GFRA1: variants seen among roughly 807,000 people sequenced by gnomAD.
GFRA1 encodes the protein GDNF family receptor alpha-1.
GFRA1 carries 16 observed loss-of-function variants against 51.6 expected under a neutral mutation model. That is an observed-to-expected ratio of 0.31 (90% CI 0.21 to 0.47). The LOEUF (loss-of-function observed/expected upper bound fraction) is 0.47, where lower values mean the gene tolerates loss of function less well. Among genes scored for constraint, GFRA1 ranks in the 20% least tolerant of loss-of-function variants. The pLI is 1.00. For synonymous variants in GFRA1, 270 were observed against 241.3 expected (o/e 1.12, Z -1.10); for missense variants, 530 against 594.3 (o/e 0.89, Z 1.13).
chr10:116,234,620 AT>A (rs1966845221), intron 4 of GFRA1, among the ~76,000 whole-genome samples: 6 of 152,238 alleles, frequency 3.9e-5, no homozygotes, highest in Admixed American at 3.9e-4. Context: ...ATATGCGAAC[AT>A]TCTATAATGT....
chr10:116,199,080 T>C (rs1964129080), intron 5 of GFRA1, among the ~76,000 whole-genome samples: 1 of 152,124 alleles, frequency 6.6e-6, no homozygotes, highest in Admixed American at 6.5e-5. Context: ...CCGGGACAGA[T>C]CCTCTTCTAG....
chr10:116,196,424 G>A (rs1052544926), intron 5 of GFRA1, among the ~76,000 whole-genome samples: 1 of 149,078 alleles, frequency 6.7e-6, no homozygotes, highest in Admixed American at 6.8e-5. Context: ...GAGAGGTGGA[G>A]GTTGCAGTGA....
chr10:116,104,769 G>A (rs1267831418), intron 6 of GFRA1, among the ~76,000 whole-genome samples: 25 of 152,176 alleles, frequency 1.6e-4, no homozygotes, highest in Non-Finnish European at 1.2e-4. Context: ...CAGTTGACAG[G>A]GCTTGACAGG....
Position 116,217,609 on chromosome 10 carries a change from A to G in GFRA1, c.419-5964T>C, listed in dbSNP as rs1965648703. 2.0e-5 allele frequency among the ~76,000 whole-genome samples: 3 copies of G among 152,242 alleles called. No homozygotes were observed. In the South Asian group the frequency reaches 6.2e-4, roughly 31 times the overall value. On this transcript the variant is annotated intron_variant, in intron 4 of 10. Transcript: ENST00000355422. Reference sequence around the variant, plus strand: ...GGTGGCTGGTTTATGCTGCATGTTCAATAGGTGAAAGTCAATGGTATAATA... The same window carrying G: ...GGTGGCTGGTTTATGCTGCATGTTCGATAGGTGAAAGTCAATGGTATAATA...
Position 116,061,186 on chromosome 10 carries a change from T to G in GFRA1, c.*3212A>C, listed in dbSNP as rs1011978194. On this transcript the variant is annotated 3_prime_UTR_variant, in exon 11 of 11. Transcript: ENST00000355422. The stretch of plus-strand genomic sequence containing the variant: ...GCAGCTCTGGGGGAGCCCTGTCCGG[T>G]GTTTGAGGAACTCGAAGACACAACT... 4 of 150,990 alleles carry G rather than the reference T, an allele frequency of 2.6e-5. No individual in the cohort carries two copies. Among genetic ancestry groups the G allele is most frequent in the African/African-American group, 9.8e-5 (4 of 40,940 alleles). 9.4% of individuals were successfully genotyped at this position (150,990 alleles called of 1,614,324 possible).
At chr10:116,244,807 C>T (rs1212098149) in intron 4 of GFRA1, among the ~76,000 whole-genome samples, 1 of 151,950 alleles carries the variant, frequency 6.6e-6, no homozygotes, top group Non-Finnish European at 1.5e-5. Context: ...AGGGTAATTG[C>T]AAAATTTTCC....
At chr10:116,156,082 A>G (rs1223006596) in intron 5 of GFRA1, among the ~76,000 whole-genome samples, 2 of 152,244 alleles carry the variant, frequency 1.3e-5, no homozygotes, top group African/African-American at 4.8e-5. Flanking sequence ...GAAAGCAGGC[A>G]ACGCAAAGCT....
chr10:116,155,645 A>G (rs1752036222), intron 5 of GFRA1, among the ~76,000 whole-genome samples: 1 of 151,998 alleles, frequency 6.6e-6, no homozygotes, highest in African/African-American at 2.4e-5. Flanking sequence ...AAATATGGTA[A>G]CAAAGGCAAA....
In GFRA1 at chr10:116,125,419, T is replaced by C. The variant is rs1957821474; in HGVS notation, c.572A>G (p.Lys191Arg). 1.9e-6 allele frequency: 3 copies of C among 1,614,112 alleles called. No homozygotes were observed. In the African/African-American group the frequency reaches 4.0e-5, roughly 22 times the overall value. The stretch of plus-strand genomic sequence containing the variant: ...GAACTGCCGGAGGGCCTTGTGGCAC[T>C]TGCGGCGGTTGCAGACATCGTTGGA... ...SVSNDVCNRR[K>R]CHKALRQFFD... The change falls in exon 6 of 11, where the codon AAG becomes AGG. Residue 191 changes from lysine to arginine, a missense_variant. Physicochemically the swap from Lys to Arg is conservative, Grantham distance 26. Transcript: ENST00000355422.
At position 116,251,963 on chromosome 10, in the gene GFRA1, C is replaced by CTT. The variant is rs3032041; in HGVS notation, c.418+17538_418+17539dup. 8.0e-3 allele frequency among the ~76,000 whole-genome samples: 638 copies of CTT among 79,786 alleles called. 24 individuals are homozygous for CTT. The highest frequency in any genetic ancestry group is 0.027 in the African/African-American group (594 of 21,628). The allele number at this position is 79,786 out of a possible 152,430, so 52.3% of individuals were successfully genotyped here. ...AGAGGACACAGACAACAATAGGCCT[C>CTT]TTTTTTTTTTTTTTTTTTTTTTTTT... On this transcript the variant is annotated intron_variant, in intron 4 of 10. Coordinates refer to ENST00000355422, the MANE Select transcript of GFRA1 (RefSeq NM_005264.8).
chr10:116,263,398 T>G (rs1969431982), intron 4 of GFRA1, among the ~76,000 whole-genome samples: 1 of 152,148 alleles, frequency 6.6e-6, no homozygotes, highest in African/African-American at 2.4e-5. Flanking sequence ...ACCTATACAG[T>G]AGGCATTATC....
intron 5 of GFRA1, among the ~76,000 whole-genome samples, chr10:116,161,724 T>C (rs1959821294): frequency 6.6e-6 from 1 of 152,238 alleles, no homozygotes; most frequent in African/African-American, 2.4e-5. Flanking sequence ...TGTTCTTCCT[T>C]CATCTGCCAT....
chr10:116,064,909 C>A (rs930116195), intron 10 of GFRA1, among the ~76,000 whole-genome samples: 1 of 152,178 alleles, frequency 6.6e-6, no homozygotes, highest in African/African-American at 2.4e-5. Flanking sequence ...ACAGGCAGAG[C>A]AGCCTCTCCC....
intron 4 of GFRA1, among the ~76,000 whole-genome samples, chr10:116,230,715 GACACACAC>G (rs5788144): frequency 2.9e-4 from 44 of 150,548 alleles, no homozygotes; most frequent in South Asian, 2.5e-3. Flanking sequence ...CATGTGGACA[GACACACAC>G]ACACACACAC....
intron 4 of GFRA1, among the ~76,000 whole-genome samples, chr10:116,225,416 TC>T (rs1966211242): frequency 6.7e-6 from 1 of 150,214 alleles, no homozygotes; most frequent in Non-Finnish European, 1.5e-5. Flanking sequence ...GCACTTATAG[TC>T]CCTGCTACTC....
At chr10:116,222,044 T>C (rs1452633541) in intron 4 of GFRA1, among the ~76,000 whole-genome samples, 1 of 152,100 alleles carries the variant, frequency 6.6e-6, no homozygotes, top group Non-Finnish European at 1.5e-5. Context: ...CAAAGATCTA[T>C]GCAGCTGCCC....
chr10:116,265,033 G>A (rs1969556416), intron 4 of GFRA1, among the ~76,000 whole-genome samples: 2 of 152,094 alleles, frequency 1.3e-5, no homozygotes, highest in African/African-American at 4.8e-5. Context: ...TAAATATGAC[G>A]GTGCATTTGA....
chr10:116,222,833 C>G (rs1966019181), intron 4 of GFRA1, among the ~76,000 whole-genome samples: 1 of 152,096 alleles, frequency 6.6e-6, no homozygotes, highest in Non-Finnish European at 1.5e-5. Context: ...CAGATTCAAC[C>G]AACCACGGAT....
chr10:116,250,859 G>A (rs897440770), intron 4 of GFRA1, among the ~76,000 whole-genome samples: 2 of 152,180 alleles, frequency 1.3e-5, no homozygotes, highest in Admixed American at 6.5e-5. Flanking sequence ...GATAATCACT[G>A]GTAAAAAGGG....
Sources: allele counts gnomAD v4.1 joint callset (sites outside exome capture counted in the v4.1 genomes callset), GRCh38; gene constraint gnomAD v4.1.1; transcripts MANE v1.5; gene names NCBI Gene and HGNC (gene_info 2026-07-23, HGNC 2026-07-21).